CMTM4: variants seen among roughly 807,000 people sequenced by gnomAD.
The protein encoded by CMTM4 is CKLF like MARVEL transmembrane domain containing 4.
In CMTM4, 8 loss-of-function variants were observed where a neutral mutation model predicts 19.0. That is an observed-to-expected ratio of 0.42 (90% CI 0.25 to 0.76). CMTM4 has a LOEUF of 0.76. Ranked by LOEUF, CMTM4 falls within the 30% of genes least tolerant of loss-of-function variation. The pLI, the probability that CMTM4 is intolerant of heterozygous loss-of-function variation, is 0.27. For synonymous variants in CMTM4, 106 were observed against 121.1 expected (o/e 0.88, Z 0.82); for missense variants, 228 against 290.2 (o/e 0.79, Z 1.56).
the CMTM4 span, among the ~76,000 whole-genome samples, chr16:66,601,746 A>G: frequency 1.3e-5 from 2 of 152,214 alleles, no homozygotes; most frequent in African/African-American, 4.8e-5. Flanking sequence ...GGAAGAAGCC[A>G]GGCAGCAGGA....
chr16:66,623,355 C>A, intron 3 of CMTM4, 49 bp downstream of exon 3: 2 of 1,421,524 alleles, frequency 1.4e-6, no homozygotes, highest in South Asian at 2.4e-5. Flanking sequence ...GCGAGCAGGT[C>A]ACAGGAGGTC....
At chr16:66,695,326 G>A (rs1328890966) in intron 1 of CMTM4, among the ~76,000 whole-genome samples, 1 of 152,090 alleles carries the variant, frequency 6.6e-6, no homozygotes, top group African/African-American at 2.4e-5. Flanking sequence ...CACCCTGGGC[G>A]ACAGAGACCC....
intron 1 of CMTM4, among the ~76,000 whole-genome samples, chr16:66,692,596 C>A (rs2017155742): frequency 6.6e-6 from 1 of 152,144 alleles, no homozygotes; most frequent in African/African-American, 2.4e-5. Context: ...TTGCAATAGG[C>A]CACAAAAAAC....
chr16:66,678,405 C>T (rs2016846348), intron 1 of CMTM4, among the ~76,000 whole-genome samples: 1 of 152,072 alleles, frequency 6.6e-6, no homozygotes, highest in African/African-American at 2.4e-5. Flanking sequence ...CCACATAGTC[C>T]CCATTTCAAC....
At chr16:66,672,930 T>C (rs1270131141) in intron 1 of CMTM4, among the ~76,000 whole-genome samples, 1 of 144,536 alleles carries the variant, frequency 6.9e-6, no homozygotes, top group African/African-American at 2.6e-5. Context: ...CTGGCTTTTT[T>C]TTTTTTTTTT....
At chr16:66,613,369 A>G (rs1037120655), downstream of CMTM4, 2 of 492,982 alleles carry the variant, frequency 4.1e-6, no homozygotes, top group Non-Finnish European at 3.7e-6. Flanking sequence ...TCACAGTGAC[A>G]GTGTCATGGG....
At chr16:66,634,364 C>T (rs1319836452) in intron 2 of CMTM4, among the ~76,000 whole-genome samples, 1 of 151,408 alleles carries the variant, frequency 6.6e-6, no homozygotes, top group African/African-American at 2.4e-5. Flanking sequence ...CGCTTGAACC[C>T]GGGAGGCGGA....
At chr16:66,632,358 T>C (rs1866057650) in intron 2 of CMTM4, among the ~76,000 whole-genome samples, 2 of 152,016 alleles carry the variant, frequency 1.3e-5, no homozygotes, top group African/African-American at 4.8e-5. Flanking sequence ...CACCACATAG[T>C]CAGGATGGTG....
downstream of CMTM4, chr16:66,613,584 T>A (rs2015464886): frequency 6.4e-6 from 1 of 155,388 alleles, no homozygotes. Context: ...TTTATATTTT[T>A]TTATGCAAAA....
At position 66,617,469 on chromosome 16, in the gene CMTM4, TAA is replaced by T; in HGVS notation, c.*4587_*4588del. The stretch of plus-strand genomic sequence containing the variant: ...CAATAGGACCCACTCCGCTTCAAGC[TAA>T]AGAGTGTACAAAATGCCACTCACTT... On this transcript the variant is annotated 3_prime_UTR_variant, in exon 4 of 4. Coordinates refer to ENST00000394106, the MANE Select transcript of CMTM4 (RefSeq NM_181521.3). The T allele has an allele frequency of 1.4e-6, 2 of 1,470,064 alleles. No individual in the cohort carries two copies. The highest frequency in any genetic ancestry group is 5.0e-5 in the East Asian group (2 of 39,894). The allele number at this position is 1,470,064 out of a possible 1,614,324, so 91.1% of individuals were successfully genotyped here. A position where few individuals can be genotyped will look rare whatever the true frequency, so the allele number is the denominator to read the frequency against.
intron 1 of CMTM4, among the ~76,000 whole-genome samples, chr16:66,673,071 ATTTTTT>A (rs758565705): frequency 4.6e-4 from 40 of 86,752 alleles, no homozygotes; most frequent in African/African-American, 1.3e-3. Context: ...CACCACACCA[ATTTTTT>A]TTTTTTTTTT....
At chr16:66,634,668 G>C (rs578235252) in intron 2 of CMTM4, among the ~76,000 whole-genome samples, 52 of 152,088 alleles carry the variant, frequency 3.4e-4, no homozygotes, top group African/African-American at 1.2e-3. Context: ...TCTTACTCAG[G>C]TGAGATGAAC....
At chr16:66,651,731 CA>C (rs1276799788) in intron 1 of CMTM4, among the ~76,000 whole-genome samples, 4 of 152,192 alleles carry the variant, frequency 2.6e-5, no homozygotes, top group Non-Finnish European at 5.9e-5. Context: ...TGCTCATTCT[CA>C]AAGGGATCTA....
chr16:66,693,818 C>T (rs1011469389), intron 1 of CMTM4, among the ~76,000 whole-genome samples: 5 of 152,044 alleles, frequency 3.3e-5, no homozygotes, highest in Non-Finnish European at 5.9e-5. Flanking sequence ...CTCAGGAGTT[C>T]GAGACCAGCC....
chr16:66,657,576 T>A (rs2016422207), intron 1 of CMTM4, among the ~76,000 whole-genome samples: 1 of 152,206 alleles, frequency 6.6e-6, no homozygotes, highest in Non-Finnish European at 1.5e-5. Flanking sequence ...AGAGGAAGGA[T>A]AAAGCTAATA....
At chr16:66,672,789 T>G (rs998099595) in intron 1 of CMTM4, among the ~76,000 whole-genome samples, 4 of 139,860 alleles carry the variant, frequency 2.9e-5, no homozygotes, top group Non-Finnish European at 4.7e-5. Context: ...TTTTGTTTTG[T>G]TTTTTTTTTG....
intron 1 of CMTM4, among the ~76,000 whole-genome samples, chr16:66,681,340 C>T (rs8060820): frequency 8.6e-5 from 13 of 150,744 alleles, no homozygotes; most frequent in African/African-American, 9.8e-5. Context: ...TTTTTGAGAC[C>T]GAGTCTTGCT....
At chr16:66,634,312 T>C (rs938634751) in intron 2 of CMTM4, among the ~76,000 whole-genome samples, 4 of 151,846 alleles carry the variant, frequency 2.6e-5, no homozygotes, top group African/African-American at 2.4e-5. Flanking sequence ...TGGTGGTACA[T>C]GCCCATAATC....
Position 66,621,247 on chromosome 16 carries a change from G to C in CMTM4, c.*811C>G. On this transcript the variant is annotated 3_prime_UTR_variant, in exon 4 of 4. Coordinates refer to ENST00000394106, the MANE Select transcript of CMTM4 (RefSeq NM_181521.3). ...AAGCCAGCAAATGGGCAAGTGCTTTGGCTGGTGGAGTAGGCTTGTTTCTTT... is the reference window on the plus strand; with the variant it reads ...AAGCCAGCAAATGGGCAAGTGCTTTCGCTGGTGGAGTAGGCTTGTTTCTTT... 1 of 985,544 alleles carries C rather than the reference G, an allele frequency of 1.0e-6. No individual in the cohort carries two copies. The highest frequency in any genetic ancestry group is 1.2e-6 in the Non-Finnish European group (1 of 829,946). 61.0% of individuals were successfully genotyped at this position (985,544 alleles called of 1,614,324 possible).
Sources: allele counts gnomAD v4.1 joint callset (sites outside exome capture counted in the v4.1 genomes callset), GRCh38; gene constraint gnomAD v4.1.1; transcripts MANE v1.5; gene names NCBI Gene and HGNC (gene_info 2026-07-23, HGNC 2026-07-21).